R3HDM1: variants seen among roughly 807,000 people sequenced by gnomAD.
R3HDM1 encodes R3H domain containing 1, also known as R3H domain-containing protein 1.
Under a neutral mutation model 141.1 loss-of-function variants are expected in R3HDM1, and 46 were observed. That is an observed-to-expected ratio of 0.33 (90% CI 0.26 to 0.42). The LOEUF is 0.42. Ranked by LOEUF, R3HDM1 falls within the 10% of genes least tolerant of loss-of-function variation. The pLI, the probability that R3HDM1 is intolerant of heterozygous loss-of-function variation, is 1.00. For missense variants in R3HDM1, 1,184 were observed against 1,368.3 expected (o/e 0.87, Z 2.12); for synonymous variants, 435 against 472.9 (o/e 0.92, Z 1.04).
intron 1 of R3HDM1, among the ~76,000 whole-genome samples, chr2:135,582,043 T>C (rs1004085075): frequency 1.3e-5 from 2 of 152,214 alleles, no homozygotes; most frequent in African/African-American, 4.8e-5. Flanking sequence ...CTTTTAAAAA[T>C]CCTTCCATCT....
chr2:135,722,729 G>T (rs1323574078), intron 26 of R3HDM1, among the ~76,000 whole-genome samples, 176 bp downstream of exon 26: 1 of 152,174 alleles, frequency 6.6e-6, no homozygotes, highest in South Asian at 2.1e-4. Context: ...CATTTGAGAT[G>T]TGAGAGTATA....
chr2:135,553,841 C>T (rs559728737), intron 1 of R3HDM1, among the ~76,000 whole-genome samples: 1 of 152,332 alleles, frequency 6.6e-6, no homozygotes, highest in Admixed American at 6.5e-5. Context: ...CAGGCGTGAG[C>T]CACCACACCC....
chr2:135,560,683 A>G (rs1701636517), intron 1 of R3HDM1, among the ~76,000 whole-genome samples: 1 of 152,224 alleles, frequency 6.6e-6, no homozygotes, highest in Non-Finnish European at 1.5e-5. Context: ...TAAGAATAAA[A>G]AATATACAAG....
At chr2:135,579,769 T>G (rs539943336) in intron 1 of R3HDM1, among the ~76,000 whole-genome samples, 7 of 152,218 alleles carry the variant, frequency 4.6e-5, no homozygotes, top group East Asian at 1.9e-4. Context: ...ACTGGTGGTG[T>G]TTGCTTAAGG....
intron 9 of R3HDM1, 115 bp from the exon 10 acceptor site, chr2:135,635,775 C>A: frequency 7.8e-7 from 1 of 1,275,854 alleles, no homozygotes; most frequent in Non-Finnish European, 1.1e-6. Context: ...CTATGGATGG[C>A]ACTAAAAAGT....
intron 19 of R3HDM1, among the ~76,000 whole-genome samples, chr2:135,669,789 G>T (rs2068055124): frequency 6.6e-6 from 1 of 152,144 alleles, no homozygotes; most frequent in African/African-American, 2.4e-5. Context: ...CATATGTAAA[G>T]TACTCAGAAC....
intron 1 of R3HDM1, among the ~76,000 whole-genome samples, chr2:135,588,053 T>C (rs898813018): frequency 6.6e-6 from 1 of 151,752 alleles, no homozygotes; most frequent in African/African-American, 2.4e-5. Context: ...TCTCTCTCTT[T>C]TATCTTTCTA....
At chr2:135,614,560 TACCCACTAATAAGAAGC>T (rs2060844434) in intron 3 of R3HDM1, among the ~76,000 whole-genome samples, 1 of 152,208 alleles carries the variant, frequency 6.6e-6, no homozygotes, top group Non-Finnish European at 1.5e-5. Context: ...TGACCATGGT[TACCCACTAATAAGAAGC>T]AAATTCAAAA....
chr2:135,663,999 A>C (rs980409270), intron 19 of R3HDM1, among the ~76,000 whole-genome samples: 1 of 147,066 alleles, frequency 6.8e-6, no homozygotes, highest in Non-Finnish European at 1.5e-5. Context: ...GCGCCACTGC[A>C]CTCCAGCCTG....
chr2:135,576,303 A>G (rs1284012502), intron 1 of R3HDM1, among the ~76,000 whole-genome samples: 2 of 152,066 alleles, frequency 1.3e-5, no homozygotes, highest in Non-Finnish European at 2.9e-5. Context: ...GGGACATCCA[A>G]GACAGCAGTG....
intron 23 of R3HDM1, among the ~76,000 whole-genome samples, chr2:135,712,862 A>C (rs539954341): frequency 1.3e-5 from 2 of 152,090 alleles, no homozygotes; most frequent in African/African-American, 4.8e-5. Flanking sequence ...CGGAGCTTGC[A>C]GTGAGCCAAG....
chr2:135,682,686 C>A (rs1032257385), intron 21 of R3HDM1, among the ~76,000 whole-genome samples: 27 of 152,188 alleles, frequency 1.8e-4, no homozygotes, highest in African/African-American at 6.5e-4. Context: ...CAACAACCTC[C>A]AATGTGAATC....
intron 19 of R3HDM1, among the ~76,000 whole-genome samples, chr2:135,671,790 A>T (rs1329892778): frequency 6.6e-6 from 1 of 151,914 alleles, no homozygotes; most frequent in African/African-American, 2.4e-5. Flanking sequence ...AGCCTGGCCA[A>T]CATGGTGAAA....
chr2:135,585,614 T>G (rs935785732), intron 1 of R3HDM1, among the ~76,000 whole-genome samples: 11 of 152,214 alleles, frequency 7.2e-5, no homozygotes, highest in African/African-American at 2.7e-4. Flanking sequence ...TAGATGCAAT[T>G]AGTATTCTGT....
At chr2:135,541,012 A>T (rs1391345339) in intron 1 of R3HDM1, among the ~76,000 whole-genome samples, 1 of 152,086 alleles carries the variant, frequency 6.6e-6, no homozygotes, top group Non-Finnish European at 1.5e-5. Context: ...TTTTCTGAGC[A>T]GTAGGTGTCA....
intron 1 of R3HDM1, among the ~76,000 whole-genome samples, chr2:135,565,383 G>A (rs1013486635): frequency 1.5e-4 from 23 of 148,926 alleles, no homozygotes; most frequent in African/African-American, 5.6e-4. Context: ...TAAGAGACAA[G>A]ATCTCATTAT....
intron 21 of R3HDM1, among the ~76,000 whole-genome samples, chr2:135,696,402 T>C (rs1320707841): frequency 1.3e-5 from 2 of 152,188 alleles, no homozygotes; most frequent in Admixed American, 6.5e-5. Flanking sequence ...GGCTTTATGG[T>C]GTGCATATAC....
chr2:135,606,613 A>C (rs1178855186), intron 3 of R3HDM1: 1 of 151,902 alleles, frequency 6.6e-6, no homozygotes, highest in Non-Finnish European at 1.5e-5. Context: ...AATACAAAAA[A>C]TTAGCCAGGC....
chr2:135,663,045 A>G (rs191813022), intron 19 of R3HDM1, among the ~76,000 whole-genome samples: 259 of 150,350 alleles, frequency 1.7e-3, no homozygotes, highest in Non-Finnish European at 3.3e-3. Flanking sequence ...ACATGGCAAA[A>G]TTTTTATCCC....
Sources: allele counts gnomAD v4.1 joint callset (sites outside exome capture counted in the v4.1 genomes callset), GRCh38; gene constraint gnomAD v4.1.1; transcripts MANE v1.5; gene names NCBI Gene and HGNC (gene_info 2026-07-23, HGNC 2026-07-21).